The following FOXK1 variants were observed in gnomAD, a reference collection of about 807,000 sequenced individuals.
FOXK1 encodes the protein forkhead box protein K1.
FOXK1 carries 19 observed loss-of-function variants against 51.9 expected under a neutral mutation model. The observed-to-expected ratio is 0.37, with a 90% CI of 0.26 to 0.54. FOXK1 has a LOEUF of 0.54. Among genes scored for constraint, FOXK1 ranks in the 20% least tolerant of loss-of-function variants. The pLI is 0.87. For synonymous variants in FOXK1, 537 were observed against 482.6 expected (o/e 1.11, Z -1.48); for missense variants, 870 against 1,032.7 (o/e 0.84, Z 2.16).
intron 1 of FOXK1, among the ~76,000 whole-genome samples, chr7:4,684,323 G>A (rs764639094): frequency 3.3e-5 from 5 of 152,102 alleles, no homozygotes; most frequent in Non-Finnish European, 7.4e-5. Context: ...ATTTTTGCTG[G>A]GGTAATTCCC....
rs780749970 is a variant in FOXK1, at chr7:4,708,539, C to G, written c.560+25671C>G. ...GGAATTTTACATGGCAGAACAAGAACTAAAGATGACCAAGTTTAAGAAATT... is the reference window on the plus strand; with the variant it reads ...GGAATTTTACATGGCAGAACAAGAAGTAAAGATGACCAAGTTTAAGAAATT... On this transcript the variant is annotated intron_variant, in intron 1 of 8. Transcript: ENST00000328914. 3.0e-4 allele frequency among the ~76,000 whole-genome samples: 46 copies of G among 152,330 alleles called. 1 individual carries two copies. The highest frequency in any genetic ancestry group is 5.9e-4 in the Admixed American group (9 of 15,296).
intron 2 of FOXK1, among the ~76,000 whole-genome samples, chr7:4,750,113 T>G (rs542515783): frequency 6.6e-6 from 1 of 152,316 alleles, no homozygotes; most frequent in East Asian, 1.9e-4. Flanking sequence ...GGAATTGTCC[T>G]CCATATAAAG....
In FOXK1 at chr7:4,713,182, A is replaced by G. The variant is rs147356276; in HGVS notation, c.561-27656A>G. Among the ~76,000 whole-genome samples the G allele has an allele frequency of 4.6e-5, 7 of 152,338 alleles. No homozygotes were observed. The East Asian group carries it at 1.2e-3, about 25-fold the overall frequency. On this transcript the variant is annotated intron_variant, in intron 1 of 8. Coordinates refer to ENST00000328914, the MANE Select transcript of FOXK1 (RefSeq NM_001037165.2). The stretch of plus-strand genomic sequence containing the variant: ...TACTTACATTTTGAAATAGTCAACA[A>G]AGTTCATAGCTGTGGTCACAGCCCA...
rs963634616 is a variant in FOXK1, at chr7:4,734,558, C to T, written c.561-6280C>T. Among the ~76,000 whole-genome samples, 10 of 152,202 alleles carry T rather than the reference C, an allele frequency of 6.6e-5. No individual in the cohort carries two copies. The highest frequency in any genetic ancestry group is 1.3e-4 in the Non-Finnish European group (9 of 68,036). On this transcript the variant is annotated intron_variant, in intron 1 of 8. Coordinates refer to ENST00000328914, the MANE Select transcript of FOXK1 (RefSeq NM_001037165.2). The surrounding 1 kb of genome is among the most constrained non-coding windows in gnomAD (Gnocchi z 5.2). ...TTCTTGTGGAAGGGGAGGTGCCCCCCGGCCCACCCCCCCGCTGCCCAAGTG... is the reference window on the plus strand; with the variant it reads ...TTCTTGTGGAAGGGGAGGTGCCCCCTGGCCCACCCCCCCGCTGCCCAAGTG...
chr7:4,755,223 G>A lies in FOXK1; in HGVS notation c.904-14G>A, dbSNP rs373397683. The A allele has an allele frequency of 8.7e-6, 14 of 1,612,780 alleles. No homozygotes were observed. The African/African-American group carries it at 9.3e-5, about 11-fold the overall frequency. ...CTTGCTGGAGCTCATCCCGTGAGCC[G>A]TGTTTCTCCGCAGGATGAGTCAAAG... is the stretch of plus-strand genomic sequence containing the variant. On this transcript the variant is annotated splice_polypyrimidine_tract_variant and intron_variant, in intron 3 of 8. Transcript: ENST00000328914. The surrounding 1 kb of genome is among the most constrained non-coding windows in gnomAD (Gnocchi z 6.6).
At chr7:4,721,015 T>G (rs1200343112) in intron 1 of FOXK1, among the ~76,000 whole-genome samples, 2 of 152,204 alleles carry the variant, frequency 1.3e-5, no homozygotes, top group Admixed American at 1.3e-4. Flanking sequence ...ATTTAGCTTT[T>G]TACCTAGGTC....
chr7:4,708,543 AG>A (rs1194814810), intron 1 of FOXK1, among the ~76,000 whole-genome samples: 2 of 152,264 alleles, frequency 1.3e-5, no homozygotes, highest in Non-Finnish European at 1.5e-5. Flanking sequence ...CAAGAACTAA[AG>A]ATGACCAAGT....
intron 2 of FOXK1, 58 bp from the exon 3 acceptor site, chr7:4,754,400 GC>G: frequency 6.3e-7 from 1 of 1,582,758 alleles, no homozygotes. Context: ...GAAGCCCTGA[GC>G]CCCACAGGGG....
At chr7:4,685,221 C>CTTTTTT (rs55891300) in intron 1 of FOXK1, among the ~76,000 whole-genome samples, 11 of 102,620 alleles carry the variant, frequency 1.1e-4, no homozygotes, top group Non-Finnish European at 1.6e-4. Flanking sequence ...GAGCTATTTG[C>CTTTTTT]TTTTTTTTTT....
At chr7:4,737,149 G>A (rs75662232) in intron 1 of FOXK1, among the ~76,000 whole-genome samples, 2,081 of 152,232 alleles carry the variant, frequency 0.014, 27 homozygotes, top group Middle Eastern at 0.02. Context: ...TTCTTCTTGT[G>A]ACCTCAGTCA....
At chr7:4,714,780 T>G (rs1042248126) in intron 1 of FOXK1, among the ~76,000 whole-genome samples, 2 of 152,200 alleles carry the variant, frequency 1.3e-5, no homozygotes, top group African/African-American at 4.8e-5. Flanking sequence ...TTTTTTCCTC[T>G]CTCTCATCTC....
Position 4,682,633 on chromosome 7 carries a change from C to T in FOXK1, c.325C>T (p.Leu109=). ...RQSPGPALAR[L]EGREFEFLMR... Reference sequence around the variant, plus strand: ...GAGCCCGGGGCCGGCGCTGGCGCGGCTGGAGGGCCGCGAGTTCGAGTTCCT... The same window carrying T: ...GAGCCCGGGGCCGGCGCTGGCGCGGTTGGAGGGCCGCGAGTTCGAGTTCCT... Residue 109 remains leucine (L), a synonymous_variant, in exon 1 of 9, where the codon CTG becomes TTG. Transcript: ENST00000328914. This position sits in a 1 kb window ranked among gnomAD's most constrained non-coding sequence, Gnocchi z 7.6. 6.5e-7 allele frequency: 1 copy of T among 1,539,746 alleles called. No homozygotes were observed. The highest frequency in any genetic ancestry group is 8.7e-7 in the Non-Finnish European group (1 of 1,151,056).
chr7:4,737,899 G>T (rs576523581), intron 1 of FOXK1, among the ~76,000 whole-genome samples: 93 of 152,290 alleles, frequency 6.1e-4, no homozygotes, highest in Admixed American at 1.2e-3. Context: ...AGGGCAGGAG[G>T]ATCACCTGAG....
chr7:4,720,577 T>A (rs1018913851), intron 1 of FOXK1, among the ~76,000 whole-genome samples: 1 of 152,166 alleles, frequency 6.6e-6, no homozygotes, highest in African/African-American at 2.4e-5. Flanking sequence ...TGTGGCCAAC[T>A]TCGATGCTGG....
chr7:4,684,923 G>A (rs1779799730), intron 1 of FOXK1, among the ~76,000 whole-genome samples: 3 of 151,646 alleles, frequency 2.0e-5, no homozygotes, highest in Admixed American at 2.0e-4. Context: ...AAATGTTATC[G>A]GTGTATACAG....
At chr7:4,712,831 G>A (rs770563800) in intron 1 of FOXK1, among the ~76,000 whole-genome samples, 8 of 152,286 alleles carry the variant, frequency 5.3e-5, no homozygotes, top group East Asian at 1.9e-4. Context: ...GACACACAGC[G>A]GCGTGATGAG....
Position 4,768,331 on chromosome 7 carries a change from A to T in FOXK1, c.*5867A>T, listed in dbSNP as rs1176201169. ...GTATTTTTAGTAGAGACGGGGTTTCACCGTGTTAGCCAGGATGGTCTCGAT... is the reference window on the plus strand; with the variant it reads ...GTATTTTTAGTAGAGACGGGGTTTCTCCGTGTTAGCCAGGATGGTCTCGAT... On this transcript the variant is annotated 3_prime_UTR_variant, in exon 9 of 9. Coordinates refer to ENST00000328914, the MANE Select transcript of FOXK1 (RefSeq NM_001037165.2). 2.2e-5 allele frequency: 3 copies of T among 139,378 alleles called. No individual in the cohort carries two copies. Among genetic ancestry groups the T allele is most frequent in the Admixed American group, 6.8e-5 (1 of 14,688 alleles). The allele number at this position is 139,378 out of a possible 1,614,324, so 8.6% of individuals were successfully genotyped here.
intron 1 of FOXK1, among the ~76,000 whole-genome samples, chr7:4,697,494 T>C (rs1011626711): frequency 1.4e-4 from 21 of 152,290 alleles, no homozygotes; most frequent in Middle Eastern, 3.4e-3. Context: ...CCGGAGACCA[T>C]GTGGACCCCA....
At chr7:4,705,998 ATATACG>A (rs1562373100) in intron 1 of FOXK1, among the ~76,000 whole-genome samples, 1 of 104,886 alleles carries the variant, frequency 9.5e-6, no homozygotes, top group Non-Finnish European at 1.8e-5. Flanking sequence ...ATATACGTAT[ATATACG>A]TATATATACG....
Sources: allele counts gnomAD v4.1 joint callset (sites outside exome capture counted in the v4.1 genomes callset), GRCh38; gene constraint gnomAD v4.1.1; non-coding constraint Gnocchi (gnomAD v3.1); transcripts MANE v1.5; gene names NCBI Gene and HGNC (gene_info 2026-07-23, HGNC 2026-07-21).